Variants in ADAM9 observed in about 807,000 individuals in gnomAD.
The protein encoded by ADAM9 is disintegrin and metalloproteinase domain-containing protein 9.
ADAM9 carries 54 observed loss-of-function variants against 108.1 expected under a neutral mutation model. The observed-to-expected ratio is 0.50, with a 90% confidence interval of 0.40 to 0.63. The LOEUF (loss-of-function observed/expected upper bound fraction) is 0.63. Among genes scored for constraint, ADAM9 ranks in the 20% least tolerant of loss-of-function variants. ADAM9 has a pLI of 0.00. For synonymous variants in ADAM9, 316 were observed against 336.0 expected (o/e 0.94, Z 0.65); for missense variants, 830 against 997.7 (o/e 0.83, Z 2.26).
intron 1 of ADAM9, among the ~76,000 whole-genome samples, chr8:39,001,486 A>T (rs1302586267): frequency 6.6e-6 from 1 of 152,200 alleles, no homozygotes; most frequent in African/African-American, 2.4e-5. Flanking sequence ...GAGGAACTTA[A>T]ATTGTCTAGG....
intron 20 of ADAM9, among the ~76,000 whole-genome samples, chr8:39,092,661 A>G (rs1234938470): frequency 2.0e-5 from 3 of 151,868 alleles, no homozygotes; most frequent in Admixed American, 6.6e-5. Flanking sequence ...AATATTTACC[A>G]TCTTAACAAT....
intron 12 of ADAM9, among the ~76,000 whole-genome samples, chr8:39,043,638 TTATA>T (rs1197741667): frequency 1.3e-5 from 2 of 152,330 alleles, no homozygotes; most frequent in East Asian, 3.9e-4. Flanking sequence ...TTTAACATTT[TTATA>T]TATTTAGGGG....
intron 4 of ADAM9, chr8:39,015,879 T>G: frequency 2.0e-6 from 1 of 498,684 alleles, no homozygotes; most frequent in South Asian, 2.3e-5. Flanking sequence ...GCAGAGCTGT[T>G]TGTACCTTGT....
Position 39,020,217 on chromosome 8 carries a change from A to G in ADAM9, c.672+1299A>G, listed in dbSNP as rs191378280. Among the ~76,000 whole-genome samples the G allele has an allele frequency of 2.8e-3, 427 of 152,316 alleles. 2 individuals carry two copies. The highest frequency in any genetic ancestry group is 9.6e-3 in the African/African-American group (401 of 41,568). Reference sequence around the variant, plus strand: ...CAGTGAGCTGAGATGGCGCCACTGCACTGCAGCCTGGGTGACAGAGGGAGA... The same window carrying G: ...CAGTGAGCTGAGATGGCGCCACTGCGCTGCAGCCTGGGTGACAGAGGGAGA... On this transcript the variant is annotated intron_variant, in intron 7 of 21. Transcript: ENST00000487273.
At chr8:39,004,762 C>T (rs1390456953) in intron 1 of ADAM9, among the ~76,000 whole-genome samples, 1 of 152,126 alleles carries the variant, frequency 6.6e-6, no homozygotes, top group Non-Finnish European at 1.5e-5. Flanking sequence ...AACTTCTGGG[C>T]ATTGCCATGG....
intron 14 of ADAM9, among the ~76,000 whole-genome samples, chr8:39,064,726 C>G (rs908863428): frequency 1.3e-5 from 2 of 152,110 alleles, no homozygotes; most frequent in Non-Finnish European, 2.9e-5. Context: ...GCTTTCCTTT[C>G]GGTAGTTTCC....
Position 38,997,111 on chromosome 8 carries a change from G to T in ADAM9, c.48G>T (p.Trp16Cys). The change falls in exon 1 of 22, where the codon TGG (tryptophan) becomes TGT (cysteine). Residue 16 changes from tryptophan to cysteine, a missense_variant. Physicochemically the swap from Trp to Cys is radical, Grantham distance 215 (BLOSUM62 -2). Transcript: ENST00000487273. Reference sequence around the variant, plus strand: ...CCTCGGGGACCCTTCGTGTCCGGTGGTTGCTGTTGCTTGGCCTGGTGGGCC... The same window carrying T: ...CCTCGGGGACCCTTCGTGTCCGGTGTTTGCTGTTGCTTGGCCTGGTGGGCC... Reference protein sequence around the residue: ...RFPSGTLRVRWLLLLGLVGPV... With the variant: ...RFPSGTLRVRCLLLLGLVGPV... The T allele has an allele frequency of 6.2e-7, 1 of 1,605,712 alleles. No homozygotes were observed. Among genetic ancestry groups the T allele is most frequent in the African/African-American group, 1.3e-5 (1 of 75,022 alleles).
chr8:39,068,837 TTACTGTGCCTGG>T (rs1838583498), intron 14 of ADAM9, among the ~76,000 whole-genome samples: 2 of 152,050 alleles, frequency 1.3e-5, no homozygotes, highest in Admixed American at 6.6e-5. Flanking sequence ...TCTGTGCCTG[TTACTGTGCCTGG>T]TATCTCTTGA....
intron 12 of ADAM9, among the ~76,000 whole-genome samples, chr8:39,049,568 A>G (rs1837887453): frequency 6.7e-6 from 1 of 150,332 alleles, no homozygotes; most frequent in Non-Finnish European, 1.5e-5. Flanking sequence ...CCTCCCAAGT[A>G]GCTGGGACTA....
At chr8:39,077,143 C>G in intron 15 of ADAM9, 85 bp from the exon 16 acceptor site, 1 of 1,426,508 alleles carries the variant, frequency 7.0e-7, no homozygotes, top group South Asian at 1.2e-5. Context: ...GCAGCAAACT[C>G]TGTCCATATG....
chr8:39,070,443 A>C (rs890407279), intron 14 of ADAM9, among the ~76,000 whole-genome samples: 1 of 152,160 alleles, frequency 6.6e-6, no homozygotes, highest in African/African-American at 2.4e-5. Flanking sequence ...TTCATTTGCT[A>C]TACGTGACTG....
rs765813280 is a variant in ADAM9 at position 39,103,645 on chromosome 8, A to G, written c.2405A>G (p.Asn802Ser). ...PPQPKVSSQG[N>S]LIPARPAPAP... ...CAACCGAAAGTATCATCTCAGGGAAACTTAATTCCTGCCCGTCCTGCTCCT... is the reference window on the plus strand; with the variant it reads ...CAACCGAAAGTATCATCTCAGGGAAGCTTAATTCCTGCCCGTCCTGCTCCT... Residue 802 changes from asparagine to serine, a missense_variant, in exon 22 of 22, where the codon AAC (asparagine) becomes AGC (serine). Around this residue, in one of 3 missense-constraint regions of ADAM9, gnomAD observed 238 missense variants for 235.7 expected, o/e 1.01. Transcript: ENST00000487273. 2 of 1,614,034 alleles carry G rather than the reference A, an allele frequency of 1.2e-6. No homozygotes were observed. The highest frequency in any genetic ancestry group is 2.2e-5 in the South Asian group (2 of 91,080).
intron 14 of ADAM9, among the ~76,000 whole-genome samples, chr8:39,070,994 A>G (rs2129441292): frequency 6.6e-6 from 1 of 152,196 alleles, no homozygotes; most frequent in East Asian, 1.9e-4. Flanking sequence ...TGCAAATGGT[A>G]CTATACTGTG....
At chr8:39,022,017 TTTTGAA>T (rs1479693298) in intron 8 of ADAM9, among the ~76,000 whole-genome samples, 1 of 151,994 alleles carries the variant, frequency 6.6e-6, no homozygotes, top group Non-Finnish European at 1.5e-5. Context: ...ATGCATCTTA[TTTTGAA>T]TAAGGCTGCC....
rs190108851 is a variant in ADAM9 at position 39,033,003 on chromosome 8, A to C, written c.1130+6193A>C. Among the ~76,000 whole-genome samples the C allele has an allele frequency of 2.6e-5, 4 of 152,344 alleles. No individual in the cohort carries two copies. The South Asian group carries it at 8.3e-4, about 32-fold the overall frequency. The stretch of plus-strand genomic sequence containing the variant: ...TTTTGATTAGGATCGCATTGAATGT[A>C]TAGATCAAGTTGGGGAACTGACATC... On this transcript the variant is annotated intron_variant, in intron 11 of 21. Transcript: ENST00000487273.
At chr8:39,053,887 T>C (rs777482776) in intron 12 of ADAM9, among the ~76,000 whole-genome samples, 96 of 152,296 alleles carry the variant, frequency 6.3e-4, no homozygotes, top group Middle Eastern at 3.4e-3. Flanking sequence ...TGAATGTTTG[T>C]GCTTCCCCAA....
intron 14 of ADAM9, among the ~76,000 whole-genome samples, chr8:39,066,218 G>A (rs1194055849): frequency 6.6e-6 from 1 of 152,190 alleles, no homozygotes; most frequent in Non-Finnish European, 1.5e-5. Flanking sequence ...ACATACGTGT[G>A]CATATGTCTT....
intron 11 of ADAM9, among the ~76,000 whole-genome samples, chr8:39,029,605 A>T (rs1007671610): frequency 6.6e-6 from 1 of 152,104 alleles, no homozygotes; most frequent in Admixed American, 6.6e-5. Flanking sequence ...AGAATGTTGA[A>T]TTTTATCAAA....
intron 11 of ADAM9, among the ~76,000 whole-genome samples, chr8:39,032,819 G>T (rs1450661610): frequency 6.6e-6 from 1 of 152,250 alleles, no homozygotes; most frequent in African/African-American, 2.4e-5. Flanking sequence ...ACACGGTCTT[G>T]ATTACTGCAG....
Sources: gnomAD v4.1 joint callset for allele counts (sites outside exome capture counted in the v4.1 genomes callset) on GRCh38, gnomAD v4.1.1 for gene constraint, gnomAD v4.1.1 regional missense constraint, MANE v1.5 for transcripts, NCBI Gene and HGNC (gene_info 2026-07-23, HGNC 2026-07-21) for gene names.